Variants in GREB1 observed in about 807,000 individuals in gnomAD.
The protein encoded by GREB1 is growth regulating estrogen receptor binding 1.
GREB1 carries 106 observed loss-of-function variants against 200.7 expected under a neutral mutation model. The observed-to-expected ratio is 0.53, with a 90% CI of 0.45 to 0.62. GREB1 has a LOEUF of 0.62. Ranked by LOEUF, GREB1 falls within the 20% of genes least tolerant of loss-of-function variation. GREB1 has a pLI of 0.00. For missense variants in GREB1, 2,243 were observed against 2,556.8 expected (o/e 0.88, Z 2.65); for synonymous variants, 1,132 against 1,092.4 (o/e 1.04, Z -0.72).
rs1487425348 is a variant in GREB1 at position 11,616,682 on chromosome 2, A to G, written c.3374A>G (p.His1125Arg). 4 of 1,613,256 alleles carry G rather than the reference A, an allele frequency of 2.5e-6. No individual in the cohort carries two copies. Among genetic ancestry groups the G allele is most frequent in the Non-Finnish European group, 3.4e-6 (4 of 1,179,200 alleles). Residue 1125 changes from histidine to arginine, a missense_variant, in exon 21 of 33, where the codon CAC (histidine) becomes CGC (arginine). Transcript: ENST00000381486. ...ATGAAAAGGGAGAGGTCCCGCTCCC[A>G]CGACTCAGCATCCTCATCCCTCTCC... ...SPMKRERSRS[H>R]DSASSSLSSK...
chr2:11,509,334 T>TA (rs1295971029), intron 1 of GREB1, among the ~76,000 whole-genome samples: 1 of 152,190 alleles, frequency 6.6e-6, no homozygotes, highest in African/African-American at 2.4e-5. Context: ...TTCCCAGATT[T>TA]AAAAAAATTA....
At chr2:11,588,338 G>C (rs1572834005) in intron 9 of GREB1, 1 of 1,096,388 alleles carries the variant, frequency 9.1e-7, no homozygotes, top group Admixed American at 4.0e-5. Context: ...TCCCTGCTTG[G>C]AGTCAGGGAG....
chr2:11,598,938 G>C, intron 15 of GREB1, 78 bp downstream of exon 15: 2 of 1,219,984 alleles, frequency 1.6e-6, no homozygotes, highest in South Asian at 1.3e-5. Flanking sequence ...CGGGGGCTGA[G>C]GGTACAAATC....
intron 1 of GREB1, among the ~76,000 whole-genome samples, chr2:11,484,751 T>G (rs1231016631): frequency 2.6e-5 from 4 of 152,214 alleles, no homozygotes; most frequent in African/African-American, 9.6e-5. Flanking sequence ...CCACTGCACT[T>G]CACTGCACGT....
intron 1 of GREB1, among the ~76,000 whole-genome samples, chr2:11,547,491 A>G (rs942258334): frequency 6.6e-6 from 1 of 152,194 alleles, no homozygotes; most frequent in Non-Finnish European, 1.5e-5. Flanking sequence ...GCAGTCTACC[A>G]TGATCTTCAG....
intron 15 of GREB1, among the ~76,000 whole-genome samples, chr2:11,599,609 C>T (rs1212334313): frequency 6.6e-6 from 1 of 151,600 alleles, no homozygotes; most frequent in Non-Finnish European, 1.5e-5. Flanking sequence ...CAAACTCTGC[C>T]TCCCGGGTTC....
intron 17 of GREB1, among the ~76,000 whole-genome samples, chr2:11,610,413 T>C (rs1413102086): frequency 1.3e-5 from 2 of 152,338 alleles, no homozygotes; most frequent in Middle Eastern, 3.4e-3. Flanking sequence ...TGGACAAATA[T>C]TTATTGAGCA....
At chr2:11,545,385 G>A (rs997865870) in intron 1 of GREB1, among the ~76,000 whole-genome samples, 3 of 152,118 alleles carry the variant, frequency 2.0e-5, no homozygotes, top group African/African-American at 4.8e-5. Flanking sequence ...ACCTGCCTCA[G>A]CCTCCCAAAG....
rs1305805277 is a variant in GREB1 at position 11,580,877 on chromosome 2, TG to T, written c.901+48del. Reference sequence around the variant, plus strand: ...CCGTCCTGGGGATCCTGCTCTTCTTTGGGCCAAGGCCAGAGGGGGCATGGGA... The same window carrying T: ...CCGTCCTGGGGATCCTGCTCTTCTTTGGCCAAGGCCAGAGGGGGCATGGGA... On this transcript the variant is annotated intron_variant, in intron 7 of 32. Transcript: ENST00000381486. The surrounding 1 kb of genome is among the most constrained non-coding windows in gnomAD (Gnocchi z 4.5). 6.2e-7 allele frequency: 1 copy of T among 1,613,492 alleles called. No individual in the cohort carries two copies. Among genetic ancestry groups the T allele is most frequent in the Non-Finnish European group, 8.5e-7 (1 of 1,179,530 alleles).
upstream of GREB1, among the ~76,000 whole-genome samples, chr2:11,529,186 T>C (rs911378827): frequency 2.6e-5 from 4 of 152,086 alleles, no homozygotes; most frequent in African/African-American, 9.7e-5. Context: ...TGTAAAGCAG[T>C]AAAAAGACAC....
Position 11,483,147 on chromosome 2 carries a change from A to G in GREB1, c.-159+766A>G, listed in dbSNP as rs376795370. On this transcript the variant is annotated intron_variant, in intron 1 of 2. Transcript: ENST00000628795. The stretch of plus-strand genomic sequence containing the variant: ...GGATCGGCCCTGGCAGCGTGTAGGG[A>G]CCTGGGTGCTGCCGCTGCCGTGCGC... Among the ~76,000 whole-genome samples, 1,145 of 151,772 alleles carry G rather than the reference A, an allele frequency of 7.5e-3. 16 individuals are homozygous for G. Among genetic ancestry groups the G allele is most frequent in the African/African-American group, 0.024 (973 of 41,342 alleles).
chr2:11,551,799 G>A (rs748309871), intron 1 of GREB1, among the ~76,000 whole-genome samples: 4 of 152,068 alleles, frequency 2.6e-5, no homozygotes, highest in Non-Finnish European at 4.4e-5. Context: ...GACGAGCCGT[G>A]GCCAAAAATA....
At chr2:11,485,355 CCT>C (rs1267180320) in intron 1 of GREB1, among the ~76,000 whole-genome samples, 1 of 151,060 alleles carries the variant, frequency 6.6e-6, no homozygotes, top group East Asian at 1.9e-4. Flanking sequence ...TCACTGCCAA[CCT>C]CTGTTTCCTG....
At chr2:11,618,066 G>A (rs1052126421) in intron 21 of GREB1, among the ~76,000 whole-genome samples, 2 of 99,610 alleles carry the variant, frequency 2.0e-5, no homozygotes, top group Non-Finnish European at 5.4e-5. Flanking sequence ...GGGGGCCTGG[G>A]GCAGAAACAG....
intron 22 of GREB1, among the ~76,000 whole-genome samples, chr2:11,620,408 G>A (rs1354285969): frequency 2.0e-5 from 3 of 152,164 alleles, no homozygotes; most frequent in East Asian, 1.9e-4. Context: ...GGGGAAGCAG[G>A]GAACTCTACG....
chr2:11,566,111 C>T (rs922564469), intron 3 of GREB1, among the ~76,000 whole-genome samples: 3 of 152,068 alleles, frequency 2.0e-5, no homozygotes, highest in Admixed American at 6.5e-5. Context: ...CTCTGCCTTA[C>T]GGGTTCAAAT....
upstream of GREB1, among the ~76,000 whole-genome samples, chr2:11,532,507 T>C (rs1481798579): frequency 2.0e-5 from 3 of 152,244 alleles, no homozygotes; most frequent in Non-Finnish European, 2.9e-5. Context: ...TTACGAACTT[T>C]AGCAGTGAAA....
In GREB1 at chr2:11,618,891, G is replaced by A. The variant is rs755857714; in HGVS notation, c.4016G>A (p.Arg1339His). ...GGCCGCGTGGACGGCTTCCACCCCCGCAGGCTGCTGCTCAGCGGCCCCCCT... is the reference window on the plus strand; with the variant it reads ...GGCCGCGTGGACGGCTTCCACCCCCACAGGCTGCTGCTCAGCGGCCCCCCT... The part of the protein sequence containing the change: ...AEGRVDGFHP[R>H]RLLLSGPPQI... The change falls in exon 22 of 33, where the codon CGC becomes CAC. Residue 1339 changes from arginine (R) to histidine (H), a missense_variant. Around this residue, in one of 3 missense-constraint regions of GREB1, gnomAD observed 587 missense variants for 553.1 expected, o/e 1.06. Coordinates refer to ENST00000381486, the MANE Select transcript of GREB1 (RefSeq NM_014668.4). 5.7e-5 allele frequency: 89 copies of A among 1,548,534 alleles called. No homozygotes were observed. Among genetic ancestry groups the A allele is most frequent in the South Asian group, 4.9e-5 (4 of 81,700 alleles).
chr2:11,559,473 A>T (rs1379923743), intron 2 of GREB1, among the ~76,000 whole-genome samples: 1 of 152,156 alleles, frequency 6.6e-6, no homozygotes, highest in Admixed American at 6.5e-5. Context: ...GCCTTCTGAG[A>T]GTCTGAATTG....
Sources: gnomAD v4.1 joint callset for allele counts (sites outside exome capture counted in the v4.1 genomes callset) on GRCh38, gnomAD v4.1.1 for gene constraint, gnomAD v4.1.1 regional missense constraint, Gnocchi (gnomAD v3.1) non-coding constraint, MANE v1.5 for transcripts, NCBI Gene and HGNC (gene_info 2026-07-23, HGNC 2026-07-21) for gene names.